The following UGGT2 variants were observed in gnomAD, a reference collection of about 807,000 sequenced individuals.
UGGT2 encodes the protein UDP-glucose glycoprotein glucosyltransferase 2.
UGGT2 carries 180 observed loss-of-function variants against 192.1 expected under a neutral mutation model. The ratio of observed to expected loss-of-function variants is 0.94; its 90% CI spans 0.83 to 1.06. The LOEUF is 1.06. UGGT2 is among the 50% of genes least tolerant of loss of function. UGGT2 has a pLI of 0.00. For missense variants in UGGT2, 1,849 were observed against 1,795.7 expected (o/e 1.03, Z -0.54); for synonymous variants, 580 against 591.0 (o/e 0.98, Z 0.27).
At chr13:95,940,167 T>G in intron 15 of UGGT2, 76 bp from the exon 16 acceptor site, 1 of 1,155,226 alleles carries the variant, frequency 8.7e-7, no homozygotes, top group Non-Finnish European at 1.2e-6. Context: ...AGCATGCAGA[T>G]AGATTTTTAT....
At chr13:95,804,164 T>C (rs1441230371) in intron 38 of UGGT2, among the ~76,000 whole-genome samples, 1 of 151,996 alleles carries the variant, frequency 6.6e-6, no homozygotes, top group Admixed American at 6.6e-5. Context: ...AGAGAAAATA[T>C]AAGTACAAAA....
intron 28 of UGGT2, 154 bp from the exon 29 acceptor site, chr13:95,877,518 T>C (rs41315038): frequency 0.014 from 13,534 of 979,686 alleles, 140 homozygotes; most frequent in South Asian, 0.02. Flanking sequence ...TACAATAACC[T>C]GTCAAAAATT....
At chr13:95,937,223 T>C (rs905599846) in intron 16 of UGGT2, 135 bp from the exon 17 acceptor site, 1 of 1,037,978 alleles carries the variant, frequency 9.6e-7, no homozygotes. Context: ...ATCTGTCCTT[T>C]CCAAACATTG....
chr13:95,902,524 C>T (rs76186077), intron 21 of UGGT2, among the ~76,000 whole-genome samples: 23 of 150,344 alleles, frequency 1.5e-4, no homozygotes, highest in Admixed American at 1.5e-3. Context: ...TCGTTGAAAC[C>T]CCCCCCATAA....
At chr13:95,904,182 CTTAATT>C (rs1294501851) in intron 20 of UGGT2, among the ~76,000 whole-genome samples, 1 of 151,948 alleles carries the variant, frequency 6.6e-6, no homozygotes, top group African/African-American at 2.4e-5. Flanking sequence ...GGAAGCAGTC[CTTAATT>C]TTAAAGTAGT....
chr13:96,040,410 C>G (rs1292743706), intron 1 of UGGT2, among the ~76,000 whole-genome samples: 1 of 152,114 alleles, frequency 6.6e-6, no homozygotes, highest in Admixed American at 6.6e-5. Context: ...CTGCTTCTGT[C>G]TCTTAAAATG....
At chr13:95,984,230 A>C (rs924937929) in intron 9 of UGGT2, among the ~76,000 whole-genome samples, 5 of 152,196 alleles carry the variant, frequency 3.3e-5, no homozygotes, top group Non-Finnish European at 7.3e-5. Context: ...TACATGAAGA[A>C]TTTTTTAGTT....
At chr13:95,951,870 C>G (rs2050072948) in intron 12 of UGGT2, among the ~76,000 whole-genome samples, 1 of 151,932 alleles carries the variant, frequency 6.6e-6, no homozygotes. Flanking sequence ...CCAGCTTGGC[C>G]AACATAGTGA....
At position 95,999,341 on chromosome 13, in the gene UGGT2, A is replaced by G. The variant is rs777682295; in HGVS notation, c.661-34T>C. 3 of 1,586,062 alleles carry G rather than the reference A, an allele frequency of 1.9e-6. No individual in the cohort carries two copies. In the South Asian group the frequency reaches 3.3e-5, roughly 18 times the overall value. Reference sequence around the variant, plus strand: ...ACACATTTATTTTATAAAAAGCGAAAAGAGTTAGTCAAACATTTTGTTTTA... The same window carrying G: ...ACACATTTATTTTATAAAAAGCGAAGAGAGTTAGTCAAACATTTTGTTTTA... On this transcript the variant is annotated intron_variant, in intron 5 of 38. Transcript: ENST00000376747.
intron 12 of UGGT2, among the ~76,000 whole-genome samples, chr13:95,954,138 A>G (rs1375096675): frequency 6.6e-6 from 1 of 152,208 alleles, no homozygotes; most frequent in East Asian, 1.9e-4. Context: ...TCATACACAC[A>G]ATTTAAAAAA....
chr13:95,941,404 G>C (rs1158495927), intron 15 of UGGT2, among the ~76,000 whole-genome samples: 1 of 152,118 alleles, frequency 6.6e-6, no homozygotes, highest in Non-Finnish European at 1.5e-5. Context: ...TATGTAATTA[G>C]ACTGAAGAGT....
intron 33 of UGGT2, among the ~76,000 whole-genome samples, chr13:95,859,285 ATTTCT>A (rs1300924586): frequency 6.6e-6 from 1 of 152,104 alleles, no homozygotes; most frequent in Non-Finnish European, 1.5e-5. Context: ...GACAGAATCC[ATTTCT>A]TTTAATTGAA....
intron 23 of UGGT2, 56 bp from the exon 24 acceptor site, chr13:95,894,713 T>C (rs903514810): frequency 5.7e-6 from 8 of 1,409,560 alleles, no homozygotes; most frequent in Non-Finnish European, 8.0e-6. Context: ...CCATATTTCA[T>C]GTTACAATTA....
At chr13:96,032,135 A>C (rs1555378099) in intron 1 of UGGT2, among the ~76,000 whole-genome samples, 164 bp from the exon 2 acceptor site, 1 of 152,178 alleles carries the variant, frequency 6.6e-6, no homozygotes, top group Non-Finnish European at 1.5e-5. Flanking sequence ...GGAAAAAAAC[A>C]CACTGACTAT....
At chr13:95,974,045 C>A (rs983252108) in intron 10 of UGGT2, among the ~76,000 whole-genome samples, 3 of 152,124 alleles carry the variant, frequency 2.0e-5, no homozygotes, top group African/African-American at 7.2e-5. Flanking sequence ...GCAGAGGAAG[C>A]AACTAACTTG....
At chr13:96,027,029 GT>G (rs2052692003) in intron 2 of UGGT2, among the ~76,000 whole-genome samples, 1 of 152,134 alleles carries the variant, frequency 6.6e-6, no homozygotes, top group Non-Finnish European at 1.5e-5. Flanking sequence ...GATATGGTGA[GT>G]TTTCCTCCAA....
Position 95,887,892 on chromosome 13 carries a change from C to T in UGGT2, c.3038G>A (p.Ser1013Asn), listed in dbSNP as rs764472696. The change falls in exon 26 of 39, where the codon AGC (serine) becomes AAC (asparagine). Residue 1013 changes from serine (S) to asparagine (N), a missense_variant and splice_region_variant. Transcript: ENST00000376747. ...RGRLSEAPLE[S>N]FYRFVLEPEL... ...TGAAATTTTGTTCACTCAGATTTAC[C>T]TTTCTAAAGGGGCTTCTGAAAGCCT... 3 of 1,582,686 alleles carry T rather than the reference C, an allele frequency of 1.9e-6. No homozygotes were observed. In the South Asian group the frequency reaches 3.5e-5, roughly 18 times the overall value.
chr13:96,001,445 G>A (rs1044713709), intron 5 of UGGT2, among the ~76,000 whole-genome samples: 2 of 151,540 alleles, frequency 1.3e-5, no homozygotes, highest in Non-Finnish European at 2.9e-5. Flanking sequence ...ATCTCCCTTC[G>A]CTGACTCTCT....
chr13:95,878,498 A>C (rs2047404747), intron 27 of UGGT2, among the ~76,000 whole-genome samples: 1 of 152,074 alleles, frequency 6.6e-6, no homozygotes, highest in African/African-American at 2.4e-5. Flanking sequence ...TGTCTCTATA[A>C]ATATCATTTT....
Sources: gnomAD v4.1 joint callset for allele counts (sites outside exome capture counted in the v4.1 genomes callset) on GRCh38, gnomAD v4.1.1 for gene constraint, MANE v1.5 for transcripts, NCBI Gene and HGNC (gene_info 2026-07-23, HGNC 2026-07-21) for gene names.